The following TLE3 variants were observed in gnomAD, a reference collection of about 807,000 sequenced individuals.
TLE3 encodes the protein transducin-like enhancer protein 3.
Under a neutral mutation model 93.0 loss-of-function variants are expected in TLE3, and 14 were observed. The ratio of observed to expected loss-of-function variants is 0.15; its 90% CI spans 0.10 to 0.24. TLE3 has a LOEUF of 0.24. Among genes scored for constraint, TLE3 ranks in the 10% least tolerant of loss-of-function variants. The pLI, the probability that TLE3 is intolerant of heterozygous loss-of-function variation, is 1.00. For missense variants in TLE3, 693 were observed against 1,046.6 expected (o/e 0.66, Z 4.66); for synonymous variants, 451 against 425.0 (o/e 1.06, Z -0.75).
chr15:70,080,864 T>A (rs1018898687), intron 4 of TLE3, among the ~76,000 whole-genome samples: 1 of 152,216 alleles, frequency 6.6e-6, no homozygotes, highest in African/African-American at 2.4e-5. Context: ...CTCCTGCTCC[T>A]GGGCTTGCAG....
At chr15:70,095,414 G>A (rs1285839088) in intron 3 of TLE3, 164 bp downstream of exon 3, 3 of 1,488,686 alleles carry the variant, frequency 2.0e-6, no homozygotes, top group Admixed American at 2.5e-5. Flanking sequence ...CCCCGGCAAT[G>A]GAAGCTGGGG....
intron 8 of TLE3, among the ~76,000 whole-genome samples, chr15:70,063,033 C>T (rs1034490274): frequency 6.6e-6 from 1 of 152,222 alleles, no homozygotes; most frequent in Non-Finnish European, 1.5e-5. Context: ...TTAGAGAGTG[C>T]TGGGCTTCCC....
At chr15:70,066,546 A>C (rs685656) in intron 6 of TLE3, 9,546 of 258,028 alleles carry the variant, frequency 0.037, 957 homozygotes, top group African/African-American at 0.2. Flanking sequence ...CCGCAGAGTC[A>C]TGGGGTTCCC....
At position 70,058,527 on chromosome 15, in the gene TLE3, CAGGCACAGA is replaced by C. The variant is rs1379210349; in HGVS notation, c.918+127_918+135del. 10 of 1,354,926 alleles carry C rather than the reference CAGGCACAGA, an allele frequency of 7.4e-6. No homozygotes were observed. The highest frequency in any genetic ancestry group is 2.7e-4 in the Middle Eastern group (1 of 3,740). 83.9% of individuals were successfully genotyped at this position (1,354,926 alleles called of 1,614,324 possible). A position where few individuals can be genotyped will look rare whatever the true frequency, so the allele number is the denominator to read the frequency against. Reference sequence around the variant, plus strand: ...CGTTAACTCATTAGCACAGGCCCAGCAGGCACAGAAGGTAAACCGGGGCCAATCACCCAC... The same window carrying C: ...CGTTAACTCATTAGCACAGGCCCAGCAGGTAAACCGGGGCCAATCACCCAC... On this transcript the variant is annotated intron_variant, in intron 11 of 19. Transcript: ENST00000451782. The surrounding 1 kb of genome is among the most constrained non-coding windows in gnomAD (Gnocchi z 4.1).
chr15:70,056,404 C>T (rs2056034127), intron 13 of TLE3, 30 bp from the exon 14 acceptor site: 4 of 1,600,534 alleles, frequency 2.5e-6, no homozygotes, highest in South Asian at 1.1e-5. Context: ...AGCCCTCCAT[C>T]AGCCGTGCTG....
At chr15:70,055,962 G>A (rs1372575669) in intron 14 of TLE3, 7 of 429,836 alleles carry the variant, frequency 1.6e-5, no homozygotes, top group Non-Finnish European at 2.6e-5. Flanking sequence ...CTTCCCAGCA[G>A]GTCGAACCCA....
intron 8 of TLE3, among the ~76,000 whole-genome samples, chr15:70,063,490 G>A (rs994298952): frequency 2.6e-5 from 4 of 152,188 alleles, no homozygotes; most frequent in East Asian, 1.9e-4. Context: ...GCCTGGGTAG[G>A]GGGAGGGCCA....
At chr15:70,094,227 G>A (rs1354917947) in intron 4 of TLE3, among the ~76,000 whole-genome samples, 1 of 151,726 alleles carries the variant, frequency 6.6e-6, no homozygotes, top group Non-Finnish European at 1.5e-5. Context: ...AGCCACCTCT[G>A]GGCTTTCAGG....
Position 70,057,615 on chromosome 15 carries a change from C to T in TLE3, c.1095G>A (p.Ala365=), listed in dbSNP as rs1385438441. 5.7e-6 allele frequency: 9 copies of T among 1,589,482 alleles called. No homozygotes were observed. Among genetic ancestry groups the T allele is most frequent in the South Asian group, 3.4e-5 (3 of 87,980 alleles). The change falls in exon 13 of 20, where the codon GCG becomes GCA. Residue 365 remains alanine, a synonymous_variant. Transcript: ENST00000451782. ...GGTGGCTCATCATGGCGAAGGGCGC[C>T]GCATAGGAGCTGGTGATGGAGATGG... ...RTPISITSSY[A]APFAMMSHHE... is the part of the protein sequence containing the mutation.
intron 6 of TLE3, among the ~76,000 whole-genome samples, chr15:70,067,793 T>C (rs1170057825): frequency 1.3e-5 from 2 of 152,204 alleles, no homozygotes; most frequent in African/African-American, 4.8e-5. Flanking sequence ...ACAGAAGCCA[T>C]GGCACTCCTG....
Position 70,053,378 on chromosome 15 carries a change from C to G in TLE3, c.1827-4G>C. 1 of 1,596,772 alleles carries G rather than the reference C, an allele frequency of 6.3e-7. No individual in the cohort carries two copies. Among genetic ancestry groups the G allele is most frequent in the East Asian group, 2.3e-5 (1 of 44,422 alleles). On this transcript the variant is annotated splice_polypyrimidine_tract_variant and splice_region_variant and intron_variant, in intron 16 of 19. Transcript: ENST00000451782. ...ATCTGTGTGGCCCTGGAACTGCCTACGAAAGCCAAGCAGGGAGGAGGGTGA... is the reference window on the plus strand; with the variant it reads ...ATCTGTGTGGCCCTGGAACTGCCTAGGAAAGCCAAGCAGGGAGGAGGGTGA...
chr15:70,051,361 C>T, intron 19 of TLE3, 30 bp downstream of exon 19: 1 of 1,584,208 alleles, frequency 6.3e-7, no homozygotes, highest in Non-Finnish European at 8.6e-7. Flanking sequence ...TGGGTAGAAC[C>T]CAGAGGAGGA....
At chr15:70,093,563 G>A (rs2058402265) in intron 4 of TLE3, among the ~76,000 whole-genome samples, 1 of 152,104 alleles carries the variant, frequency 6.6e-6, no homozygotes, top group South Asian at 2.1e-4. Context: ...AGAACAACCG[G>A]CCTGCCTGCT....
rs749649907 is a variant in TLE3 at position 70,056,346 on chromosome 15, C to T, written c.1280G>A (p.Arg427Gln). ...CAGGCTTGAGGGGAGGCCTGTGGCC[C>T]GCATCGGGGGGTGAGGGTCAAAACC... ...AVGFDPHPPM[R>Q]ATGLPSSLAS... Residue 427 changes from arginine (R) to glutamine (Q), a missense_variant, in exon 14 of 20, where the codon CGG becomes CAG. Arg to Gln is a conservative substitution (Grantham distance 43). Around this residue, in one of 4 missense-constraint regions of TLE3, gnomAD observed 405 missense variants for 468.9 expected, o/e 0.86. Transcript: ENST00000451782. The T allele has an allele frequency of 6.2e-6, 10 of 1,613,438 alleles. No individual in the cohort carries two copies. The East Asian group carries it at 8.9e-5, about 14-fold the overall frequency.
At chr15:70,051,617 G>A in intron 18 of TLE3, 150 bp from the exon 19 acceptor site, 1 of 275,570 alleles carries the variant, frequency 3.6e-6, no homozygotes, top group Non-Finnish European at 7.0e-6. Context: ...TTGCAAATGG[G>A]ACATGCGGAC....
chr15:70,078,215 G>T (rs1157152684), intron 4 of TLE3, among the ~76,000 whole-genome samples: 1 of 152,020 alleles, frequency 6.6e-6, no homozygotes, highest in Admixed American at 6.5e-5. Context: ...TTTTTTCCTC[G>T]CCTAAATCAA....
chr15:70,064,476 G>C lies in TLE3; in HGVS notation c.578-6C>G, dbSNP rs202017713. ...TACCGCACTGGATTCTCTCTCTTTGGGGAAAGAAGGCCAGGACAGGAGGAA... is the reference window on the plus strand; with the variant it reads ...TACCGCACTGGATTCTCTCTCTTTGCGGAAAGAAGGCCAGGACAGGAGGAA... On this transcript the variant is annotated splice_region_variant and splice_polypyrimidine_tract_variant and intron_variant, in intron 7 of 19. Coordinates refer to ENST00000451782, the MANE Select transcript of TLE3 (RefSeq NM_001105192.3). 461 of 1,613,706 alleles carry C rather than the reference G, an allele frequency of 2.9e-4. 1 individual carries two copies. The highest frequency in any genetic ancestry group is 3.1e-4 in the Non-Finnish European group (364 of 1,179,830).
At chr15:70,052,158 G>A (rs908840624) in intron 18 of TLE3, among the ~76,000 whole-genome samples, 1 of 152,234 alleles carries the variant, frequency 6.6e-6, no homozygotes, top group African/African-American at 2.4e-5. Flanking sequence ...TGTCCTGAGA[G>A]TTCAATAACT....
At chr15:70,054,796 C>A in intron 15 of TLE3, 111 bp from the exon 16 acceptor site, 2 of 1,396,472 alleles carry the variant, frequency 1.4e-6, no homozygotes, top group South Asian at 3.0e-5. Flanking sequence ...ACAGCCTCCC[C>A]CTATACCCAG....
Sources: allele counts gnomAD v4.1 joint callset (sites outside exome capture counted in the v4.1 genomes callset), GRCh38; gene constraint gnomAD v4.1.1; regional missense constraint gnomAD v4.1.1; non-coding constraint Gnocchi (gnomAD v3.1); transcripts MANE v1.5; gene names NCBI Gene and HGNC (gene_info 2026-07-23, HGNC 2026-07-21).